Variants in TRABD2B observed in about 807,000 individuals in gnomAD.
TRABD2B encodes the protein metalloprotease TIKI2.
TRABD2B carries 14 observed loss-of-function variants against 40.1 expected under a neutral mutation model. The ratio of observed to expected loss-of-function variants is 0.35; its 90% CI spans 0.23 to 0.55. TRABD2B has a LOEUF of 0.55. Ranked by LOEUF, TRABD2B falls within the 20% of genes least tolerant of loss-of-function variation. The pLI is 0.90. For missense variants in TRABD2B, 541 were observed against 648.6 expected, an observed-to-expected ratio of 0.83 and a Z score of 1.80; for synonymous variants, 263 against 277.0, an observed-to-expected ratio of 0.95 and a Z score of 0.50.
intron 2 of TRABD2B, among the ~76,000 whole-genome samples, chr1:47,826,889 GAGA>G (rs1405582104): frequency 6.6e-6 from 1 of 152,182 alleles, no homozygotes; most frequent in Non-Finnish European, 1.5e-5. Context: ...GCCATTCTTG[GAGA>G]AGATGATGTT....
intron 2 of TRABD2B, among the ~76,000 whole-genome samples, chr1:47,979,038 A>G (rs1449766320): frequency 6.6e-6 from 1 of 151,922 alleles, no homozygotes; most frequent in Non-Finnish European, 1.5e-5. Flanking sequence ...CTACAGCCGC[A>G]CCAGGAGTCG....
At chr1:47,921,268 C>T (rs534712915) in intron 2 of TRABD2B, among the ~76,000 whole-genome samples, 32 of 152,270 alleles carry the variant, frequency 2.1e-4, no homozygotes, top group African/African-American at 6.5e-4. Context: ...GAAGTGGAGA[C>T]GTTTTCTGGG....
At chr1:47,824,952 C>G (rs371248243) in intron 2 of TRABD2B, among the ~76,000 whole-genome samples, 1 of 152,210 alleles carries the variant, frequency 6.6e-6, no homozygotes, top group Non-Finnish European at 1.5e-5. Context: ...CAGCACAGCC[C>G]TGGCTTTGCA....
chr1:47,768,190 T>C (rs1026420160), intron 6 of TRABD2B, among the ~76,000 whole-genome samples: 3 of 152,240 alleles, frequency 2.0e-5, no homozygotes, highest in African/African-American at 7.2e-5. Flanking sequence ...ATAAGGTTCC[T>C]TTCAACCTGG....
intron 2 of TRABD2B, among the ~76,000 whole-genome samples, chr1:47,948,409 C>T (rs1190103241): frequency 6.6e-6 from 1 of 152,184 alleles, no homozygotes; most frequent in African/African-American, 2.4e-5. Flanking sequence ...CTTAGAGCAC[C>T]TGGTGGTAAA....
intron 2 of TRABD2B, among the ~76,000 whole-genome samples, chr1:47,867,118 C>T (rs1644070037): frequency 6.6e-6 from 1 of 152,252 alleles, no homozygotes; most frequent in Non-Finnish European, 1.5e-5. Flanking sequence ...TCTGAAATCA[C>T]TCTTGGCTGT....
intron 2 of TRABD2B, among the ~76,000 whole-genome samples, chr1:47,875,674 C>CAAAAAAAAAAAAA (rs10541556): frequency 5.8e-4 from 44 of 75,918 alleles, no homozygotes; most frequent in Admixed American, 1.2e-3. Context: ...AACCCTGTCT[C>CAAAAAAAAAAAAA]AAAAAAAAAA....
At chr1:47,961,974 C>G (rs1447521809) in intron 2 of TRABD2B, among the ~76,000 whole-genome samples, 1 of 152,114 alleles carries the variant, frequency 6.6e-6, no homozygotes, top group African/African-American at 2.4e-5. Context: ...AAATGTCCAT[C>G]AATGATAGAC....
chr1:47,873,145 C>T (rs1417138), intron 2 of TRABD2B, among the ~76,000 whole-genome samples: 5,478 of 152,208 alleles, frequency 0.036, 320 homozygotes, highest in African/African-American at 0.13. Context: ...CAGCATTAAT[C>T]CTATCGTGAG....
At chr1:47,937,483 CCAT>C (rs993393962) in intron 2 of TRABD2B, among the ~76,000 whole-genome samples, 1 of 152,096 alleles carries the variant, frequency 6.6e-6, no homozygotes. Context: ...ACTATCATCA[CCAT>C]CATCATCACT....
chr1:47,815,974 G>A (rs987213789), intron 2 of TRABD2B, among the ~76,000 whole-genome samples: 2 of 152,148 alleles, frequency 1.3e-5, no homozygotes, highest in Non-Finnish European at 1.5e-5. Flanking sequence ...GTGCTGTGCG[G>A]GGGTCCTGGG....
chr1:47,802,914 A>G (rs969258362), intron 2 of TRABD2B, among the ~76,000 whole-genome samples: 1 of 152,146 alleles, frequency 6.6e-6, no homozygotes, highest in Non-Finnish European at 1.5e-5. Context: ...TCTTGAGTAG[A>G]GCCTCCAAGG....
At chr1:47,950,790 C>G (rs1570352380) in intron 2 of TRABD2B, among the ~76,000 whole-genome samples, 1 of 152,228 alleles carries the variant, frequency 6.6e-6, no homozygotes, top group East Asian at 1.9e-4. Context: ...GCCACCAACA[C>G]CTCCCTATGT....
At chr1:47,919,786 A>G (rs1260572040) in intron 2 of TRABD2B, among the ~76,000 whole-genome samples, 2 of 152,206 alleles carry the variant, frequency 1.3e-5, no homozygotes, top group Non-Finnish European at 2.9e-5. Context: ...AAGGCATGCT[A>G]AGTGCACAGC....
intron 3 of TRABD2B, among the ~76,000 whole-genome samples, chr1:47,797,003 A>G (rs1340658331): frequency 1.3e-5 from 2 of 152,164 alleles, no homozygotes; most frequent in African/African-American, 4.8e-5. Context: ...CCAAATAAAT[A>G]TTTGTCTAAT....
At chr1:47,923,226 T>A (rs1644924616) in intron 2 of TRABD2B, among the ~76,000 whole-genome samples, 1 of 152,226 alleles carries the variant, frequency 6.6e-6, no homozygotes, top group Non-Finnish European at 1.5e-5. Context: ...TGCCAGTCAT[T>A]CTTACATGCT....
At chr1:47,894,132 G>A (rs1287059682) in intron 2 of TRABD2B, among the ~76,000 whole-genome samples, 3 of 152,176 alleles carry the variant, frequency 2.0e-5, no homozygotes, top group South Asian at 2.1e-4. Context: ...TGGGGATACA[G>A]TGATACACAG....
intron 2 of TRABD2B, among the ~76,000 whole-genome samples, chr1:47,849,321 G>T (rs1000517641): frequency 8.5e-5 from 13 of 152,162 alleles, no homozygotes. Context: ...GGACAATCAC[G>T]AGAAGAGGCA....
intron 4 of TRABD2B, among the ~76,000 whole-genome samples, chr1:47,792,033 G>T (rs771784681): frequency 2.0e-5 from 3 of 152,190 alleles, no homozygotes; most frequent in Non-Finnish European, 4.4e-5. Flanking sequence ...GAAATTCTTG[G>T]GTGGAAAGGA....
Sources: allele counts gnomAD v4.1 joint callset (sites outside exome capture counted in the v4.1 genomes callset), GRCh38; gene constraint gnomAD v4.1.1; transcripts MANE v1.5; gene names NCBI Gene and HGNC (gene_info 2026-07-23, HGNC 2026-07-21).